ATRX: variants seen among roughly 807,000 people sequenced by gnomAD.
ATRX encodes the protein ATRX chromatin remodeler, also known as chromatin remodeler ATRX.
Under a neutral mutation model 172.6 loss-of-function variants are expected in ATRX, and 12 were observed. That is an observed-to-expected ratio of 0.07 (90% CI 0.04 to 0.11). ATRX has a LOEUF of 0.11. ATRX is among the 10% of genes least tolerant of loss of function. The probability of loss-of-function intolerance (pLI) is 1.00; values close to 1 mark genes in which losing one functional copy is unlikely to be tolerated. For missense variants in ATRX, 1,368 were observed against 1,767.4 expected (o/e 0.77, Z 4.05); for synonymous variants, 674 against 594.7 (o/e 1.13, Z -1.94).
intron 1 of ATRX, among the ~76,000 whole-genome samples, chrX:77,753,804 C>T (rs1359167063): frequency 2.7e-5 from 3 of 111,299 alleles, no homozygotes; most frequent in Non-Finnish European, 5.7e-5. Context: ...CTGAGAAGAA[C>T]GTATATTCTG....
chrX:77,602,831 T>C (rs1295215756), intron 22 of ATRX, among the ~76,000 whole-genome samples: 1 of 111,013 alleles, frequency 9.0e-6, no homozygotes, highest in East Asian at 2.8e-4. Flanking sequence ...AGATCTCAAA[T>C]AAGGAACCTA....
At chrX:77,623,876 C>A (rs2067701179) in intron 19 of ATRX, among the ~76,000 whole-genome samples, 1 of 111,661 alleles carries the variant, frequency 9.0e-6, no homozygotes, top group African/African-American at 3.3e-5. Context: ...AAACCCTCAG[C>A]AAAATCGACA....
chrX:77,777,129 G>A (rs782091943), intron 1 of ATRX, among the ~76,000 whole-genome samples: 51 of 99,639 alleles, frequency 5.1e-4, no homozygotes, highest in Non-Finnish European at 8.3e-4. Context: ...CAAGGCAGGC[G>A]GATCACCTGA....
At chrX:77,651,175 C>T (rs1321797806) in intron 15 of ATRX, among the ~76,000 whole-genome samples, 21 of 83,314 alleles carry the variant, frequency 2.5e-4, no homozygotes, top group Non-Finnish European at 4.3e-4. Flanking sequence ...CGAGATTGGG[C>T]CACTGCACTC....
Position 77,772,848 on chromosome X carries a change from AT to A in ATRX, c.20+13133del, listed in dbSNP as rs782051290. 8.4e-3 allele frequency among the ~76,000 whole-genome samples: 829 copies of A among 98,354 alleles called. 3 individuals carry two copies. Among genetic ancestry groups the A allele is most frequent in the African/African-American group, 0.014 (368 of 27,205 alleles). The allele number at this position is 98,354 out of a possible 115,157, so 85.4% of individuals were successfully genotyped here. ...TTGTGGTATGTGTATTTCACCACCAATTTTTTTTTTTTTTTGAGAGACGGGG... is the reference window on the plus strand; with the variant it reads ...TTGTGGTATGTGTATTTCACCACCAATTTTTTTTTTTTTTGAGAGACGGGG... On this transcript the variant is annotated intron_variant, in intron 1 of 34. Transcript: ENST00000373344.
chrX:77,743,381 G>A (rs958048131), intron 1 of ATRX, among the ~76,000 whole-genome samples: 1 of 110,702 alleles, frequency 9.0e-6, no homozygotes, highest in East Asian at 2.9e-4. Flanking sequence ...ATTCCACCCC[G>A]CCTATCATGA....
intron 34 of ATRX, among the ~76,000 whole-genome samples, chrX:77,519,008 G>A (rs1272300120): frequency 8.9e-6 from 1 of 111,929 alleles, no homozygotes; most frequent in East Asian, 2.8e-4. Flanking sequence ...AATCAAAATG[G>A]ATTAAAGACT....
Position 77,696,565 on chromosome X carries a change from A to C in ATRX, c.370+12T>G. ...TTCAACTTTAACTTCATGAAAAATT[A>C]ACACACATTACCTTTTGGCAAGCTC... is the stretch of plus-strand genomic sequence containing the variant. On this transcript the variant is annotated intron_variant, in intron 5 of 34. Transcript: ENST00000373344. The C allele has an allele frequency of 1.7e-6, 2 of 1,202,077 alleles. No individual in the cohort carries two copies. The highest frequency in any genetic ancestry group is 1.8e-5 in the South Asian group (1 of 55,791).
chrX:77,523,849 A>G (rs2063304017), intron 30 of ATRX, among the ~76,000 whole-genome samples: 1 of 111,796 alleles, frequency 8.9e-6, no homozygotes, highest in East Asian at 2.8e-4. Flanking sequence ...TATATTAACA[A>G]AAAACTAATC....
At chrX:77,644,877 A>G (rs2068832360) in intron 15 of ATRX, among the ~76,000 whole-genome samples, 1 of 111,738 alleles carries the variant, frequency 8.9e-6, no homozygotes, top group Non-Finnish European at 1.9e-5. Context: ...AAATTGAAGG[A>G]GAGAGACTTA....
intron 1 of ATRX, among the ~76,000 whole-genome samples, chrX:77,766,455 A>G (rs185727344): frequency 1.0e-5 from 1 of 97,670 alleles, no homozygotes; most frequent in Non-Finnish European, 2.0e-5. Flanking sequence ...GGGCTCCTCA[A>G]TTCTCAGACG....
intron 34 of ATRX, among the ~76,000 whole-genome samples, chrX:77,517,189 A>G (rs1371529217): frequency 1.8e-5 from 2 of 111,095 alleles, no homozygotes; most frequent in Non-Finnish European, 3.8e-5. Flanking sequence ...AGAAAATAAA[A>G]CCCCAAATTA....
intron 1 of ATRX, among the ~76,000 whole-genome samples, chrX:77,768,304 A>G (rs1213715703): frequency 8.9e-6 from 1 of 111,912 alleles, no homozygotes; most frequent in Non-Finnish European, 1.9e-5. Context: ...GTCCTCATAG[A>G]CATCTGGTCC....
intron 30 of ATRX, among the ~76,000 whole-genome samples, chrX:77,549,929 A>T (rs1401301612): frequency 8.9e-6 from 1 of 111,800 alleles, no homozygotes. Context: ...GGACCAGCCT[A>T]GGCAATAGAA....
At chrX:77,527,362 G>A (rs1039363648) in intron 30 of ATRX, among the ~76,000 whole-genome samples, 3 of 111,855 alleles carry the variant, frequency 2.7e-5, no homozygotes, top group Non-Finnish European at 5.6e-5. Flanking sequence ...GAAGGGCTAC[G>A]GCCCATCCAG....
intron 30 of ATRX, among the ~76,000 whole-genome samples, chrX:77,539,507 C>T (rs782717955): frequency 3.9e-4 from 42 of 108,756 alleles, no homozygotes; most frequent in Middle Eastern, 4.8e-3. Flanking sequence ...GTTCAAACAC[C>T]GCCAGGAAAT....
intron 6 of ATRX, among the ~76,000 whole-genome samples, chrX:77,689,575 G>C (rs1378499816): frequency 3.6e-5 from 4 of 111,691 alleles, no homozygotes; most frequent in African/African-American, 9.7e-5. Flanking sequence ...ATCTATTTTG[G>C]CAGCAAAACA....
intron 34 of ATRX, among the ~76,000 whole-genome samples, chrX:77,519,156 C>G (rs1159203029): frequency 1.8e-5 from 2 of 111,276 alleles, no homozygotes; most frequent in Non-Finnish European, 3.8e-5. Context: ...AAACAGGATA[C>G]CACTAAGTTA....
chrX:77,508,929 T>G (rs1288049535), intron 34 of ATRX, among the ~76,000 whole-genome samples: 2 of 112,331 alleles, frequency 1.8e-5, no homozygotes, highest in Non-Finnish European at 3.7e-5. Context: ...GTTACAACAC[T>G]TTTTGTTAAG....
Sources: gnomAD v4.1 joint callset for allele counts (sites outside exome capture counted in the v4.1 genomes callset) on GRCh38, gnomAD v4.1.1 for gene constraint, MANE v1.5 for transcripts, NCBI Gene and HGNC (gene_info 2026-07-23, HGNC 2026-07-21) for gene names.